SH3RF2: variants seen among roughly 807,000 people sequenced by gnomAD.
SH3RF2 encodes SH3 domain containing ring finger 2.
Under a neutral mutation model 59.0 loss-of-function variants are expected in SH3RF2, and 43 were observed. That is an observed-to-expected ratio of 0.73 (90% CI 0.57 to 0.94). SH3RF2 has a LOEUF of 0.94. SH3RF2 is among the 40% of genes least tolerant of loss of function. SH3RF2 has a pLI of 0.00. For missense variants in SH3RF2, 930 were observed against 940.1 expected, an observed-to-expected ratio of 0.99 and a Z score of 0.14; for synonymous variants, 391 against 391.5, an observed-to-expected ratio of 1.00 and a Z score of 0.01.
At chr5:146,035,353 C>CT (rs11434546) in intron 5 of SH3RF2, among the ~76,000 whole-genome samples, 50,146 of 150,914 alleles carry the variant, frequency 0.33, 8,780 homozygotes, top group Non-Finnish European at 0.39. Flanking sequence ...TTTTAATTAA[C>CT]TTTTTTTTTA....
At chr5:146,037,278 C>A (rs11167926) in intron 5 of SH3RF2, among the ~76,000 whole-genome samples, 50,228 of 152,028 alleles carry the variant, frequency 0.33, 8,820 homozygotes, top group Non-Finnish European at 0.39. Context: ...AAGTCTGAGC[C>A]TCCCACAGCC....
At chr5:146,051,058 A>G (rs2150016354) in intron 7 of SH3RF2, among the ~76,000 whole-genome samples, 1 of 152,298 alleles carries the variant, frequency 6.6e-6, no homozygotes, top group East Asian at 1.9e-4. Flanking sequence ...AACATGGTGA[A>G]ACCTCATCTC....
intron 7 of SH3RF2, among the ~76,000 whole-genome samples, chr5:146,054,037 C>A (rs963448263): frequency 3.3e-4 from 50 of 152,312 alleles, no homozygotes; most frequent in African/African-American, 1.1e-3. Context: ...CTCTTCCCAC[C>A]TAAGCCCAGA....
chr5:146,037,880 G>T (rs1179689792), intron 5 of SH3RF2, among the ~76,000 whole-genome samples: 1 of 152,118 alleles, frequency 6.6e-6, no homozygotes, highest in Non-Finnish European at 1.5e-5. Flanking sequence ...ACATAAGAAA[G>T]GAAAAGTATA....
At chr5:145,952,812 G>C (rs907929143) in intron 2 of SH3RF2, among the ~76,000 whole-genome samples, 1 of 152,162 alleles carries the variant, frequency 6.6e-6, no homozygotes, top group African/African-American at 2.4e-5. Flanking sequence ...CAAGAAAGCT[G>C]TGTTATGAGG....
At chr5:146,042,422 CTTTA>C (rs943629039) in intron 5 of SH3RF2, among the ~76,000 whole-genome samples, 10 of 152,180 alleles carry the variant, frequency 6.6e-5, no homozygotes, top group African/African-American at 9.7e-5. Context: ...ATATGGATTA[CTTTA>C]TTTAACCCTC....
intron 4 of SH3RF2, among the ~76,000 whole-genome samples, chr5:146,011,476 G>A (rs1414687566): frequency 1.3e-5 from 2 of 152,138 alleles, no homozygotes; most frequent in Non-Finnish European, 2.9e-5. Flanking sequence ...TGGGCAGTAT[G>A]GCCGTTTTCA....
intron 5 of SH3RF2, among the ~76,000 whole-genome samples, chr5:146,029,356 C>T (rs1489870842): frequency 6.6e-6 from 1 of 152,120 alleles, no homozygotes; most frequent in Admixed American, 6.5e-5. Flanking sequence ...CTCAATTGTC[C>T]CCAGAGATGA....
At chr5:145,959,207 A>G (rs2149952493) in intron 2 of SH3RF2, among the ~76,000 whole-genome samples, 1 of 152,344 alleles carries the variant, frequency 6.6e-6, no homozygotes, top group Non-Finnish European at 1.5e-5. Context: ...GCCCAATCCC[A>G]TCAATTATTT....
At chr5:145,954,258 T>A (rs1758306606) in intron 2 of SH3RF2, among the ~76,000 whole-genome samples, 1 of 152,262 alleles carries the variant, frequency 6.6e-6, no homozygotes, top group Non-Finnish European at 1.5e-5. Context: ...TTCTGACTAG[T>A]GTGAGATGGT....
chr5:145,962,281 T>G (rs1758659982), intron 2 of SH3RF2, among the ~76,000 whole-genome samples: 1 of 152,170 alleles, frequency 6.6e-6, no homozygotes, highest in South Asian at 2.1e-4. Flanking sequence ...AAAGGAGAGA[T>G]GGCTCACAAA....
At chr5:145,981,283 G>C (rs1013020367) in intron 2 of SH3RF2, among the ~76,000 whole-genome samples, 6 of 151,928 alleles carry the variant, frequency 3.9e-5, no homozygotes, top group African/African-American at 1.5e-4. Flanking sequence ...ATTTTTTGTA[G>C]AGACAGGGTC....
At chr5:145,982,908 A>G (rs1310474804) in intron 2 of SH3RF2, among the ~76,000 whole-genome samples, 1 of 152,120 alleles carries the variant, frequency 6.6e-6, no homozygotes, top group African/African-American at 2.4e-5. Context: ...TATTCTTAAG[A>G]CCTATTCTAG....
At chr5:145,992,262 C>A (rs1311238929) in intron 2 of SH3RF2, among the ~76,000 whole-genome samples, 1 of 152,010 alleles carries the variant, frequency 6.6e-6, no homozygotes, top group Non-Finnish European at 1.5e-5. Flanking sequence ...GTAGTCACAG[C>A]TACTTGGGGG....
chr5:146,026,057 T>G lies in SH3RF2; in HGVS notation c.1059+11996T>G, dbSNP rs185863886. 3.5e-3 allele frequency among the ~76,000 whole-genome samples: 533 copies of G among 152,284 alleles called. 1 individual carries two copies. The highest frequency in any genetic ancestry group is 0.01 in the Middle Eastern group (3 of 294). On this transcript the variant is annotated intron_variant, in intron 5 of 9. Coordinates refer to ENST00000359120, the MANE Select transcript of SH3RF2 (RefSeq NM_152550.4). ...TAACACAGGGAATGGGCCAAACGTT[T>G]TAAAATCTAAATGATCATTCCAATC...
intron 2 of SH3RF2, among the ~76,000 whole-genome samples, chr5:145,949,048 G>A (rs1383863662): frequency 1.3e-5 from 2 of 152,200 alleles, no homozygotes; most frequent in Non-Finnish European, 2.9e-5. Context: ...ATCTTCCCTT[G>A]AGGCTAAACG....
chr5:145,957,165 T>C (rs567311107), intron 2 of SH3RF2, among the ~76,000 whole-genome samples: 1 of 152,362 alleles, frequency 6.6e-6, no homozygotes, highest in South Asian at 2.1e-4. Context: ...ACAATCATTT[T>C]ATAAAATTTA....
At chr5:145,996,110 C>T (rs895845234) in intron 2 of SH3RF2, among the ~76,000 whole-genome samples, 3 of 152,170 alleles carry the variant, frequency 2.0e-5, no homozygotes, top group African/African-American at 7.2e-5. Flanking sequence ...AAAAGGACAC[C>T]TCCACCATTC....
At chr5:146,038,587 T>A (rs1297394797) in intron 5 of SH3RF2, among the ~76,000 whole-genome samples, 7 of 152,170 alleles carry the variant, frequency 4.6e-5, no homozygotes, top group Non-Finnish European at 1.5e-5. Context: ...ATTGTTTAAA[T>A]CTCTAGGAAT....
Sources: gnomAD v4.1 joint callset for allele counts (sites outside exome capture counted in the v4.1 genomes callset) on GRCh38, gnomAD v4.1.1 for gene constraint, MANE v1.5 for transcripts, NCBI Gene and HGNC (gene_info 2026-07-23, HGNC 2026-07-21) for gene names.